The following CD59 variants were observed in gnomAD, a reference collection of about 807,000 sequenced individuals.
CD59 encodes the protein CD59 glycoprotein.
Under a neutral mutation model 7.0 loss-of-function variants are expected in CD59, and 3 were observed. The ratio of observed to expected loss-of-function variants is 0.43; its 90% CI spans 0.19 to 1.10. CD59 has a LOEUF of 1.10. Ranked by LOEUF, CD59 falls within the 50% of genes least tolerant of loss-of-function variation. The probability of loss-of-function intolerance (pLI) is 0.29; values close to 1 mark genes in which losing one functional copy is unlikely to be tolerated. For missense variants in CD59, 143 were observed against 151.0 expected, an observed-to-expected ratio of 0.95 and a Z score of 0.28; for synonymous variants, 60 against 62.0, an observed-to-expected ratio of 0.97 and a Z score of 0.15.
chr11:33,735,942 A>G (rs931138436), intron 1 of CD59, among the ~76,000 whole-genome samples: 2 of 150,442 alleles, frequency 1.3e-5, no homozygotes, highest in African/African-American at 4.9e-5. Flanking sequence ...GTTTCGCCCG[A>G]CACCTGCTTT....
chr11:33,725,063 T>C (rs1010701839), intron 1 of CD59, among the ~76,000 whole-genome samples: 9 of 152,132 alleles, frequency 5.9e-5, no homozygotes, highest in Admixed American at 2.0e-4. Flanking sequence ...ATGTAGATGG[T>C]AACTAACACT....
Position 33,707,949 on chromosome 11 carries a change from G to A in CD59, c.*2177C>T, listed in dbSNP as rs1853380673. 1 of 152,198 alleles carries A rather than the reference G, an allele frequency of 6.6e-6. No homozygotes were observed. Among genetic ancestry groups the A allele is most frequent in the Non-Finnish European group, 1.5e-5 (1 of 68,066 alleles). The allele number at this position is 152,198 out of a possible 1,614,324, so 9.4% of individuals were successfully genotyped here. ...TTGTTCCGCTGTCAGGAGGAGAGGG[G>A]CCAGAAGGGTCACATTGAAGAAATG... On this transcript the variant is annotated 3_prime_UTR_variant, in exon 4 of 4. Coordinates refer to ENST00000642928, the MANE Select transcript of CD59 (RefSeq NM_000611.6).
chr11:33,716,712 G>A (rs1853809208), intron 3 of CD59, among the ~76,000 whole-genome samples: 2 of 152,174 alleles, frequency 1.3e-5, no homozygotes, highest in Admixed American at 6.5e-5. Flanking sequence ...CAGGACTTGT[G>A]CATGTTAGCA....
At chr11:33,719,202 C>G (rs1413425377) in intron 2 of CD59, 1 of 152,228 alleles carries the variant, frequency 6.6e-6, no homozygotes, top group African/African-American at 2.4e-5. Context: ...CACACAGGAA[C>G]CCAGTTCTCT....
intron 1 of CD59, among the ~76,000 whole-genome samples, chr11:33,732,254 G>A (rs1433086720): frequency 2.0e-5 from 3 of 152,112 alleles, no homozygotes; most frequent in African/African-American, 7.2e-5. Flanking sequence ...CCCCAGTGTC[G>A]GAGGAGGGAC....
intron 1 of CD59, among the ~76,000 whole-genome samples, chr11:33,732,763 C>G (rs1854456282): frequency 6.6e-6 from 1 of 152,176 alleles, no homozygotes; most frequent in African/African-American, 2.4e-5. Context: ...ATTTATGCAA[C>G]TAACTTATGT....
At chr11:33,732,656 T>C (rs1187951822) in intron 1 of CD59, among the ~76,000 whole-genome samples, 1 of 152,224 alleles carries the variant, frequency 6.6e-6, no homozygotes, top group African/African-American at 2.4e-5. Flanking sequence ...GCTCTTGACA[T>C]AGTAACTGGA....
At chr11:33,717,591 A>G (rs975521638) in intron 2 of CD59, 120 bp from the exon 3 acceptor site, 66 of 709,678 alleles carry the variant, frequency 9.3e-5, no homozygotes, top group Middle Eastern at 4.9e-4. Flanking sequence ...CCACTCCCGC[A>G]CAAATGTATA....
At chr11:33,711,364 T>G (rs929408350) in intron 3 of CD59, 6 of 700,312 alleles carry the variant, frequency 8.6e-6, no homozygotes, top group East Asian at 8.1e-5. Context: ...ATTCTTAAAC[T>G]CTACAATAAA....
At chr11:33,722,084 G>T (rs1373653538) in intron 2 of CD59, among the ~76,000 whole-genome samples, 1 of 152,060 alleles carries the variant, frequency 6.6e-6, no homozygotes, top group Non-Finnish European at 1.5e-5. Context: ...GGTATCCATT[G>T]GTGTCCCCAA....
At chr11:33,715,994 T>C (rs541651492) in intron 3 of CD59, among the ~76,000 whole-genome samples, 73 of 152,312 alleles carry the variant, frequency 4.8e-4, no homozygotes, top group African/African-American at 1.6e-3. Context: ...AGAGACACAG[T>C]TGATCAAGCT....
In CD59 at chr11:33,714,936, G is replaced by GT. The variant is rs58642942; in HGVS notation, c.169+2433dup. 4.9e-3 allele frequency among the ~76,000 whole-genome samples: 645 copies of GT among 131,868 alleles called. 5 individuals are homozygous for GT. Among genetic ancestry groups the GT allele is most frequent in the East Asian group, 0.034 (158 of 4,630 alleles). The allele number at this position is 131,868 out of a possible 152,430, so 86.5% of individuals were successfully genotyped here. On this transcript the variant is annotated intron_variant, in intron 3 of 3. Transcript: ENST00000642928. ...CCTGAAGGACCTGCCTGCTGAGGCT[G>GT]TTTTTTTTTTTTTTTTTCTTTTGTA...
Position 33,704,868 on chromosome 11 carries a change from G to A in CD59, c.*5258C>T, listed in dbSNP as rs556847390. ...GTTTGTGCCACAATTTAAGGACCAA[G>A]CTATTCTGGGAAGCCCAGAACAGTC... On this transcript the variant is annotated 3_prime_UTR_variant, in exon 4 of 4. Coordinates refer to ENST00000642928, the MANE Select transcript of CD59 (RefSeq NM_000611.6). 3 of 152,618 alleles carry A rather than the reference G, an allele frequency of 2.0e-5. No homozygotes were observed. The highest frequency in any genetic ancestry group is 4.4e-5 in the Non-Finnish European group (3 of 68,058). The allele number at this position is 152,618 out of a possible 1,614,324, so 9.5% of individuals were successfully genotyped here.
chr11:33,704,349 G>A lies in CD59; in HGVS notation c.*5777C>T, dbSNP rs1564964348. On this transcript the variant is annotated 3_prime_UTR_variant, in exon 4 of 4. Transcript: ENST00000642928. ...GCAGTGCCAGGGACAACTAGTAGGT[G>A]GTCATTGGAGTGTGGCTACAGTTAT... The A allele has an allele frequency of 6.6e-6, 1 of 152,152 alleles. No individual in the cohort carries two copies. The allele number at this position is 152,152 out of a possible 1,614,324, so 9.4% of individuals were successfully genotyped here. A position where few individuals can be genotyped will look rare whatever the true frequency, so the allele number is the denominator to read the frequency against.
chr11:33,724,980 G>C (rs1854212194), intron 1 of CD59, among the ~76,000 whole-genome samples: 1 of 152,072 alleles, frequency 6.6e-6, no homozygotes, highest in Non-Finnish European at 1.5e-5. Context: ...TATGTGTATG[G>C]GGGGCGGAGG....
chr11:33,735,284 T>C (rs552170793), intron 1 of CD59, among the ~76,000 whole-genome samples: 15 of 152,334 alleles, frequency 9.8e-5, no homozygotes, highest in African/African-American at 3.4e-4. Flanking sequence ...TTTCCGTCAA[T>C]CATCTCAACC....
At chr11:33,722,244 C>T (rs1336841950) in intron 2 of CD59, 135 bp downstream of exon 2, 1 of 725,690 alleles carries the variant, frequency 1.4e-6, no homozygotes, top group African/African-American at 1.7e-5. Context: ...GTCATACAAC[C>T]CCAGACCTGT....
chr11:33,725,548 A>T (rs1854230765), intron 1 of CD59, among the ~76,000 whole-genome samples: 1 of 152,220 alleles, frequency 6.6e-6, no homozygotes, highest in African/African-American at 2.4e-5. Context: ...AATCCCTCAA[A>T]GAAGATATGT....
intron 2 of CD59, among the ~76,000 whole-genome samples, chr11:33,722,119 A>C (rs999961350): frequency 6.6e-6 from 1 of 152,070 alleles, no homozygotes; most frequent in Non-Finnish European, 1.5e-5. Flanking sequence ...CAGGAGTGAA[A>C]CTTCAGCCGC....
Sources: gnomAD v4.1 joint callset for allele counts (sites outside exome capture counted in the v4.1 genomes callset) on GRCh38, gnomAD v4.1.1 for gene constraint, MANE v1.5 for transcripts, NCBI Gene and HGNC (gene_info 2026-07-23, HGNC 2026-07-21) for gene names.